Variants in TRRAP observed in about 807,000 individuals in gnomAD.
TRRAP encodes the protein transformation/transcription domain associated protein, also known as transformation/transcription domain-associated protein.
TRRAP carries 41 observed loss-of-function variants against 438.8 expected under a neutral mutation model. That is an observed-to-expected ratio of 0.09 (90% CI 0.07 to 0.12). The LOEUF (loss-of-function observed/expected upper bound fraction) is 0.12, where lower values mean the gene tolerates loss of function less well. Among genes scored for constraint, TRRAP ranks in the 10% least tolerant of loss-of-function variants. The probability of loss-of-function intolerance (pLI) is 1.00; values close to 1 mark genes in which losing one functional copy is unlikely to be tolerated. For missense variants in TRRAP, 3,122 were observed against 5,055.1 expected, an observed-to-expected ratio of 0.62 and a Z score of 11.60; for synonymous variants, 1,994 against 1,962.9, an observed-to-expected ratio of 1.02 and a Z score of -0.42.
chr7:98,959,936 T>TAAAAAAAA (rs780800568), intron 45 of TRRAP, among the ~76,000 whole-genome samples: 1 of 112,710 alleles, frequency 8.9e-6, no homozygotes, highest in Non-Finnish European at 1.8e-5. Context: ...CCTGGTCTCT[T>TAAAAAAAA]AAAAAAAAAA....
chr7:98,886,465 GAGAGAT>G (rs1460153635), intron 3 of TRRAP, among the ~76,000 whole-genome samples: 2 of 152,006 alleles, frequency 1.3e-5, no homozygotes, highest in African/African-American at 2.4e-5. Context: ...TAGATATCTA[GAGAGAT>G]AGAGATAGAT....
chr7:98,903,320 G>C (rs1796558261), intron 11 of TRRAP, 59 bp from the exon 12 acceptor site: 2 of 1,589,218 alleles, frequency 1.3e-6, no homozygotes, highest in Admixed American at 3.5e-5. Context: ...GATAACATTT[G>C]AATTTTTCTT....
intron 5 of TRRAP, among the ~76,000 whole-genome samples, chr7:98,893,045 G>A (rs142662759): frequency 1.5e-4 from 23 of 152,018 alleles, no homozygotes; most frequent in African/African-American, 5.1e-4. Context: ...TCCACCTCCT[G>A]GGTTCAAGTG....
chr7:98,937,396 A>C, intron 29 of TRRAP, 119 bp downstream of exon 29: 1 of 1,404,560 alleles, frequency 7.1e-7, no homozygotes, highest in Non-Finnish European at 9.5e-7. Flanking sequence ...AAAAGGCTTT[A>C]TGCATGTGGT....
chr7:98,914,489 G>T (rs941733330), intron 18 of TRRAP, among the ~76,000 whole-genome samples: 1 of 151,748 alleles, frequency 6.6e-6, no homozygotes. Flanking sequence ...TTTTTTGCCA[G>T]CATTAGATAT....
intron 3 of TRRAP, among the ~76,000 whole-genome samples, chr7:98,883,488 T>C (rs1252813280): frequency 6.6e-6 from 1 of 152,218 alleles, no homozygotes; most frequent in Non-Finnish European, 1.5e-5. Context: ...TTCTATTGGC[T>C]GTGGGCCATG....
In TRRAP at chr7:98,947,128, G is replaced by T. The variant is rs370636192; in HGVS notation, c.4549-1093G>T. On this transcript the variant is annotated intron_variant, in intron 33 of 72. Transcript: ENST00000456197. ...ATCGCAGCGCGCACAGCGCAGCACG[G>T]CACATTGGAACGTGTCCCTCCCTTG... Among the ~76,000 whole-genome samples the T allele has an allele frequency of 2.0e-5, 3 of 152,362 alleles. No homozygotes were observed. In the South Asian group the frequency reaches 6.2e-4, roughly 32 times the overall value.
rs1400660701 is a variant in TRRAP, at chr7:98,953,075, GTGTGTT to G, written c.5464-90_5464-85del. 1,204 of 484,764 alleles carry G rather than the reference GTGTGTT, an allele frequency of 2.5e-3. 10 individuals are homozygous for G. The African/African-American group carries it at 0.025, about 10-fold the overall frequency. 30.0% of individuals were successfully genotyped at this position (484,764 alleles called of 1,614,324 possible). On this transcript the variant is annotated intron_variant, in intron 39 of 72. Transcript: ENST00000456197. Reference sequence around the variant, plus strand: ...TGTGTGTGTGTGTGTGTGTGTGTGTGTGTGTTTTTAAGGCTTAAACCTGTCGTATGA... The same window carrying G: ...TGTGTGTGTGTGTGTGTGTGTGTGTGTTTAAGGCTTAAACCTGTCGTATGA...
At chr7:98,942,246 G>A (rs62472033) in intron 30 of TRRAP, among the ~76,000 whole-genome samples, 1 of 152,160 alleles carries the variant, frequency 6.6e-6, no homozygotes, top group Non-Finnish European at 1.5e-5. Flanking sequence ...TGGCCCTATG[G>A]CACTCACTTG....
At chr7:99,004,464 C>T in intron 68 of TRRAP, 49 bp downstream of exon 68, 1 of 1,527,568 alleles carries the variant, frequency 6.5e-7, no homozygotes, top group Non-Finnish European at 9.0e-7. Flanking sequence ...CGCCCATGGA[C>T]ATGGAGCCCC....
At chr7:98,970,431 G>A (rs1792362207) in intron 52 of TRRAP, 140 bp downstream of exon 52, 8 of 1,088,910 alleles carry the variant, frequency 7.3e-6, no homozygotes, top group South Asian at 4.8e-5. Flanking sequence ...CGCGCCCCAC[G>A]GGCAGAATCC....
In TRRAP at chr7:99,004,418, G is replaced by A. The variant is rs1794068702; in HGVS notation, c.10535+3G>A. On this transcript the variant is annotated splice_donor_region_variant and intron_variant, in intron 68 of 72. Coordinates refer to ENST00000456197, the MANE Select transcript of TRRAP (RefSeq NM_001375524.1). ...CATTATTACATCAAGATTGCACGGT[G>A]AGTGGGCCAGCCTGGCAGGTGGAAC... is the stretch of plus-strand genomic sequence containing the variant. 3.1e-6 allele frequency: 5 copies of A among 1,610,940 alleles called. No homozygotes were observed. Among genetic ancestry groups the A allele is most frequent in the Non-Finnish European group, 4.2e-6 (5 of 1,177,742 alleles).
At chr7:98,984,894 ATTG>A (rs1232246223) in intron 61 of TRRAP, 47 bp from the exon 62 acceptor site, 2 of 1,245,678 alleles carry the variant, frequency 1.6e-6, no homozygotes, top group South Asian at 1.3e-5. Flanking sequence ...AGGTTTTCAT[ATTG>A]TTTAGAAATT....
intron 3 of TRRAP, among the ~76,000 whole-genome samples, chr7:98,886,963 G>A (rs1215197772): frequency 3.3e-5 from 5 of 152,070 alleles, no homozygotes; most frequent in African/African-American, 9.7e-5. Flanking sequence ...ATTCACAGGC[G>A]CCATCATAGC....
Position 98,942,936 on chromosome 7 carries a change from GT to G in TRRAP, c.4405-8del. 2.5e-6 allele frequency: 4 copies of G among 1,614,164 alleles called. No individual in the cohort carries two copies. The South Asian group carries it at 3.3e-5, about 13-fold the overall frequency. The stretch of plus-strand genomic sequence containing the variant: ...ACTGTGAAGTTGTGTCTCAGGATGT[GT>G]TTTTCCAACAGCAACATCTGCGCAA... On this transcript the variant is annotated splice_polypyrimidine_tract_variant and intron_variant, in intron 30 of 72. Transcript: ENST00000456197.
chr7:98,944,509 A>G (rs1426630194), intron 31 of TRRAP, among the ~76,000 whole-genome samples: 3 of 152,056 alleles, frequency 2.0e-5, no homozygotes, highest in Non-Finnish European at 4.4e-5. Context: ...CCATCCAGGG[A>G]GGGTCCAGCT....
In TRRAP at chr7:98,906,273, T is replaced by A. The variant is rs1554407514; in HGVS notation, c.1115+18T>A. 4 of 1,600,488 alleles carry A rather than the reference T, an allele frequency of 2.5e-6. No individual in the cohort carries two copies. Among genetic ancestry groups the A allele is most frequent in the Non-Finnish European group, 3.4e-6 (4 of 1,168,822 alleles). The stretch of plus-strand genomic sequence containing the variant: ...ACTCTAAGGTATGAGATTAAACCAG[T>A]GATATCTGGTTGGTTAAATGCCAGG... On this transcript the variant is annotated intron_variant, in intron 13 of 72. Transcript: ENST00000456197.
At chr7:98,971,980 C>T (rs771608900) in intron 53 of TRRAP, 35 bp downstream of exon 53, 1 of 1,609,296 alleles carries the variant, frequency 6.2e-7, no homozygotes, top group African/African-American at 1.3e-5. Flanking sequence ...TCGTTGCTTT[C>T]CTCCCATGGA....
rs1032469205 is a variant in TRRAP at position 99,005,443 on chromosome 7, A to G, written c.10753+95A>G. On this transcript the variant is annotated intron_variant, in intron 69 of 72. Coordinates refer to ENST00000456197, the MANE Select transcript of TRRAP (RefSeq NM_001375524.1). This position sits in a 1 kb window ranked among gnomAD's most constrained non-coding sequence, Gnocchi z 5.1. ...GTGGGGTGCACAGGCAGCTCACGTTAGCCTTTGAGGGTCCAGCTGCGTCAG... is the reference window on the plus strand; with the variant it reads ...GTGGGGTGCACAGGCAGCTCACGTTGGCCTTTGAGGGTCCAGCTGCGTCAG... The G allele has an allele frequency of 1.7e-5, 21 of 1,212,542 alleles. No homozygotes were observed. In the Admixed American group the frequency reaches 3.6e-4, roughly 21 times the overall value. The allele number at this position is 1,212,542 out of a possible 1,614,324, so 75.1% of individuals were successfully genotyped here. A position where few individuals can be genotyped will look rare whatever the true frequency, so the allele number is the denominator to read the frequency against.
Sources: gnomAD v4.1 joint callset for allele counts (sites outside exome capture counted in the v4.1 genomes callset) on GRCh38, gnomAD v4.1.1 for gene constraint, Gnocchi (gnomAD v3.1) non-coding constraint, MANE v1.5 for transcripts, NCBI Gene and HGNC (gene_info 2026-07-23, HGNC 2026-07-21) for gene names.